ROBO2: variants seen among roughly 807,000 people sequenced by gnomAD.
ROBO2 encodes the protein roundabout guidance receptor 2.
A neutral mutation model predicts 160.8 loss-of-function variants in ROBO2; 53 were observed. The ratio of observed to expected loss-of-function variants is 0.33; its 90% confidence interval spans 0.26 to 0.41. The LOEUF (loss-of-function observed/expected upper bound fraction) is 0.41, where lower values mean the gene tolerates loss of function less well. Ranked by LOEUF, ROBO2 falls within the 10% of genes least tolerant of loss-of-function variation. The pLI, the probability that ROBO2 is intolerant of heterozygous loss-of-function variation, is 1.00. For missense variants in ROBO2, 1,577 were observed against 1,722.4 expected, an observed-to-expected ratio of 0.92 and a Z score of 1.49; for synonymous variants, 664 against 611.7, an observed-to-expected ratio of 1.09 and a Z score of -1.26.
chr3:76,151,502 C>T (rs887857188), intron 2 of ROBO2, among the ~76,000 whole-genome samples: 1 of 152,112 alleles, frequency 6.6e-6, no homozygotes, highest in South Asian at 2.1e-4. Flanking sequence ...AGCTTTGATC[C>T]ATTGGTCCTA....
intron 5 of ROBO2, among the ~76,000 whole-genome samples, chr3:77,508,749 A>T (rs1273943606): frequency 6.6e-6 from 1 of 152,008 alleles, no homozygotes; most frequent in Non-Finnish European, 1.5e-5. Flanking sequence ...TCAATAATGG[A>T]ATCTGTTTAT....
chr3:76,142,448 T>C (rs544757944), intron 2 of ROBO2, among the ~76,000 whole-genome samples: 2 of 152,012 alleles, frequency 1.3e-5, no homozygotes, highest in Non-Finnish European at 2.9e-5. Flanking sequence ...AAAGAAAATG[T>C]AGTACATATA....
chr3:77,231,959 C>T (rs2087274722), intron 2 of ROBO2, among the ~76,000 whole-genome samples: 1 of 152,174 alleles, frequency 6.6e-6, no homozygotes, highest in Admixed American at 6.6e-5. Context: ...ACTATCCTGT[C>T]ATCTTTGGAT....
At chr3:76,332,544 A>T (rs2073570176) in intron 2 of ROBO2, among the ~76,000 whole-genome samples, 2 of 152,190 alleles carry the variant, frequency 1.3e-5, no homozygotes, top group African/African-American at 4.8e-5. Flanking sequence ...TCTGGGATTT[A>T]TCTCTGCATA....
chr3:76,993,403 T>C (rs1306665970), intron 2 of ROBO2, among the ~76,000 whole-genome samples: 1 of 152,196 alleles, frequency 6.6e-6, no homozygotes, highest in Non-Finnish European at 1.5e-5. Context: ...TACAAATTAT[T>C]CAAAATAAAT....
chr3:76,125,310 G>A (rs971192677), intron 2 of ROBO2, among the ~76,000 whole-genome samples: 1 of 152,104 alleles, frequency 6.6e-6, no homozygotes. Context: ...GTGAACACAT[G>A]AGCACATGTG....
chr3:76,099,641 T>C (rs1559551896), intron 2 of ROBO2, among the ~76,000 whole-genome samples: 1 of 152,230 alleles, frequency 6.6e-6, no homozygotes, highest in African/African-American at 2.4e-5. Context: ...TAGAATCCTG[T>C]AAATTTTATA....
upstream of ROBO2, among the ~76,000 whole-genome samples, chr3:77,035,730 G>T (rs545667729): frequency 1.3e-5 from 2 of 151,922 alleles, no homozygotes; most frequent in South Asian, 4.1e-4. Context: ...GGCTCCCTCA[G>T]ATCCTTTCTG....
intron 2 of ROBO2, among the ~76,000 whole-genome samples, chr3:76,114,461 C>T (rs969165811): frequency 5.9e-5 from 9 of 151,984 alleles, no homozygotes; most frequent in African/African-American, 2.2e-4. Flanking sequence ...ACATTAACAT[C>T]AAATAATATT....
chr3:76,562,332 T>C (rs2084231125), intron 2 of ROBO2, among the ~76,000 whole-genome samples: 1 of 151,980 alleles, frequency 6.6e-6, no homozygotes, highest in South Asian at 2.1e-4. Flanking sequence ...CAGCCAATAA[T>C]ACTATGATTA....
At chr3:76,429,248 T>G (rs1396012873) in intron 2 of ROBO2, among the ~76,000 whole-genome samples, 3 of 151,956 alleles carry the variant, frequency 2.0e-5, no homozygotes, top group Non-Finnish European at 4.4e-5. Flanking sequence ...ATATGCTATG[T>G]CCAAGGTCTA....
At chr3:77,400,821 T>A (rs576767733) in intron 2 of ROBO2, among the ~76,000 whole-genome samples, 2 of 151,712 alleles carry the variant, frequency 1.3e-5, no homozygotes, top group Admixed American at 6.6e-5. Context: ...TAGAGCCTGG[T>A]TAAGTGAGTT....
chr3:77,468,342 A>G (rs2083000041), intron 2 of ROBO2, among the ~76,000 whole-genome samples: 1 of 152,214 alleles, frequency 6.6e-6, no homozygotes, highest in African/African-American at 2.4e-5. Flanking sequence ...TGCCGTGGTC[A>G]GATGTCACCA....
chr3:77,459,982 G>A (rs1032525860), intron 2 of ROBO2, among the ~76,000 whole-genome samples: 8 of 151,996 alleles, frequency 5.3e-5, no homozygotes, highest in African/African-American at 1.9e-4. Flanking sequence ...TATGTAAAAA[G>A]ATGTTAACAT....
At chr3:76,332,718 C>A (rs534027011) in intron 2 of ROBO2, among the ~76,000 whole-genome samples, 1 of 152,274 alleles carries the variant, frequency 6.6e-6, no homozygotes, top group Non-Finnish European at 1.5e-5. Context: ...TAATTTAATA[C>A]TTTCCACCTC....
intron 5 of ROBO2, among the ~76,000 whole-genome samples, chr3:77,521,322 TA>T (rs1561064113): frequency 6.6e-6 from 1 of 151,270 alleles, no homozygotes; most frequent in African/African-American, 2.4e-5. Flanking sequence ...TACTGGATGT[TA>T]AAAACTCTAT....
chr3:76,308,054 A>G (rs1382196658), intron 2 of ROBO2, among the ~76,000 whole-genome samples: 2 of 152,130 alleles, frequency 1.3e-5, no homozygotes, highest in African/African-American at 4.8e-5. Context: ...TCTGTGCCTC[A>G]GTTTATACTG....
At chr3:77,409,401 G>A (rs1464791699) in intron 2 of ROBO2, among the ~76,000 whole-genome samples, 3 of 151,984 alleles carry the variant, frequency 2.0e-5, no homozygotes, top group Non-Finnish European at 4.4e-5. Flanking sequence ...ACTCTAGGTA[G>A]CATTGTTTGG....
At chr3:76,650,026 A>G (rs1054376246) in intron 2 of ROBO2, among the ~76,000 whole-genome samples, 1 of 152,138 alleles carries the variant, frequency 6.6e-6, no homozygotes, top group African/African-American at 2.4e-5. Context: ...TTAATCTAAC[A>G]TGCCAACAAA....
Sources: allele counts gnomAD v4.1 joint callset (sites outside exome capture counted in the v4.1 genomes callset), GRCh38; gene constraint gnomAD v4.1.1; transcripts MANE v1.5; gene names NCBI Gene and HGNC (gene_info 2026-07-23, HGNC 2026-07-21).